The following ZFYVE9 variants were observed in gnomAD, a reference collection of about 807,000 sequenced individuals.
ZFYVE9 encodes zinc finger FYVE domain-containing protein 9.
ZFYVE9 carries 43 observed loss-of-function variants against 126.7 expected under a neutral mutation model. The ratio of observed to expected loss-of-function variants is 0.34; its 90% CI spans 0.27 to 0.44. The LOEUF (loss-of-function observed/expected upper bound fraction) is 0.44. Among genes scored for constraint, ZFYVE9 ranks in the 20% least tolerant of loss-of-function variants. ZFYVE9 has a pLI of 1.00. For synonymous variants in ZFYVE9, 521 were observed against 597.4 expected (o/e 0.87, Z 1.87); for missense variants, 1,476 against 1,697.0 (o/e 0.87, Z 2.29).
intron 1 of ZFYVE9, among the ~76,000 whole-genome samples, chr1:52,197,242 G>A (rs940425139): frequency 3.3e-5 from 5 of 152,130 alleles, no homozygotes; most frequent in Non-Finnish European, 7.4e-5. Flanking sequence ...AGCATTATGG[G>A]GAGAGGGAGT....
chr1:52,214,736 T>C (rs1049150968), intron 1 of ZFYVE9, among the ~76,000 whole-genome samples: 1 of 152,090 alleles, frequency 6.6e-6, no homozygotes, highest in African/African-American at 2.4e-5. Flanking sequence ...GCTGAGAAGT[T>C]TCCCAATCTG....
intron 13 of ZFYVE9, among the ~76,000 whole-genome samples, chr1:52,331,645 G>T (rs1324330469): frequency 6.6e-6 from 1 of 150,830 alleles, no homozygotes; most frequent in Non-Finnish European, 1.5e-5. Flanking sequence ...CCAGCTACTC[G>T]GGAGGCTGAG....
At chr1:52,280,315 G>T (rs1314720784) in intron 9 of ZFYVE9, among the ~76,000 whole-genome samples, 1 of 151,444 alleles carries the variant, frequency 6.6e-6, no homozygotes. Flanking sequence ...AGGAGACGGA[G>T]GTTGCAGTGA....
intron 7 of ZFYVE9, among the ~76,000 whole-genome samples, chr1:52,271,252 G>A (rs1006273286): frequency 6.6e-6 from 1 of 152,132 alleles, no homozygotes; most frequent in Admixed American, 6.6e-5. Context: ...GACAGGCTAA[G>A]CCACATTATT....
chr1:52,202,265 G>A (rs866930044), intron 1 of ZFYVE9, among the ~76,000 whole-genome samples: 1 of 151,652 alleles, frequency 6.6e-6, no homozygotes, highest in South Asian at 2.1e-4. Context: ...TCCTCCGTAG[G>A]TATAGTGTTT....
rs372430345 is a variant in ZFYVE9 at position 52,344,765 on chromosome 1, C to T, written c.3940-3C>T. 1.2e-5 allele frequency: 20 copies of T among 1,612,986 alleles called. No homozygotes were observed. Among genetic ancestry groups the T allele is most frequent in the Non-Finnish European group, 1.6e-5 (19 of 1,179,138 alleles). Reference sequence around the variant, plus strand: ...TTAAAAGTCTCTTTTGTTTGGGGAACAGGTGTTTTTCCTAGAAAACGATGA... The same window carrying T: ...TTAAAAGTCTCTTTTGTTTGGGGAATAGGTGTTTTTCCTAGAAAACGATGA... On this transcript the variant is annotated splice_region_variant and splice_polypyrimidine_tract_variant and intron_variant, in intron 17 of 18. Transcript: ENST00000287727.
At chr1:52,209,034 A>G (rs1645004121) in intron 1 of ZFYVE9, among the ~76,000 whole-genome samples, 1 of 152,230 alleles carries the variant, frequency 6.6e-6, no homozygotes. Flanking sequence ...CCATGGTATC[A>G]TACACTAGGG....
intron 13 of ZFYVE9, among the ~76,000 whole-genome samples, chr1:52,309,742 GA>G (rs1361859629): frequency 6.6e-6 from 1 of 152,002 alleles, no homozygotes; most frequent in East Asian, 1.9e-4. Flanking sequence ...TTCTTAAGCA[GA>G]AAAAGTGACT....
At chr1:52,228,966 T>C (rs1645193775) in intron 2 of ZFYVE9, among the ~76,000 whole-genome samples, 1 of 152,088 alleles carries the variant, frequency 6.6e-6, no homozygotes, top group African/African-American at 2.4e-5. Flanking sequence ...CATAGCTCAC[T>C]GTAACCTCGA....
intron 12 of ZFYVE9, 79 bp downstream of exon 12, chr1:52,296,056 T>G: frequency 7.5e-7 from 1 of 1,332,704 alleles, no homozygotes; most frequent in South Asian, 1.2e-5. Context: ...ATTATTTTCT[T>G]GGTAGCTGTG....
chr1:52,163,292 G>A (rs1347888934), intron 1 of ZFYVE9, among the ~76,000 whole-genome samples: 1 of 152,060 alleles, frequency 6.6e-6, no homozygotes, highest in African/African-American at 2.4e-5. Flanking sequence ...CATTAACTAT[G>A]CCCTTGAAGT....
At chr1:52,247,559 C>T (rs1374541149) in intron 4 of ZFYVE9, among the ~76,000 whole-genome samples, 1 of 151,984 alleles carries the variant, frequency 6.6e-6, no homozygotes, top group African/African-American at 2.4e-5. Flanking sequence ...TGCAGTGGCG[C>T]AATCTCGGCT....
At chr1:52,175,017 A>G (rs1165980275) in intron 1 of ZFYVE9, among the ~76,000 whole-genome samples, 2 of 152,092 alleles carry the variant, frequency 1.3e-5, no homozygotes, top group Non-Finnish European at 2.9e-5. Context: ...GAAAGTTAAT[A>G]TTGTTATGTG....
At chr1:52,171,700 T>A (rs1444456605) in intron 1 of ZFYVE9, among the ~76,000 whole-genome samples, 1 of 152,140 alleles carries the variant, frequency 6.6e-6, no homozygotes, top group Non-Finnish European at 1.5e-5. Context: ...TTCTAACTGG[T>A]ATGAGATGGT....
intron 12 of ZFYVE9, among the ~76,000 whole-genome samples, chr1:52,300,239 C>T (rs1646020502): frequency 6.6e-6 from 1 of 152,104 alleles, no homozygotes; most frequent in South Asian, 2.1e-4. Context: ...GAGCAAGAGC[C>T]AGACAACTCC....
At chr1:52,156,040 A>G (rs1644400137) in intron 1 of ZFYVE9, among the ~76,000 whole-genome samples, 1 of 152,200 alleles carries the variant, frequency 6.6e-6, no homozygotes, top group African/African-American at 2.4e-5. Context: ...AACATGTATC[A>G]CTGACGTGAT....
chr1:52,192,318 G>T (rs1644823242), intron 1 of ZFYVE9, among the ~76,000 whole-genome samples: 1 of 152,328 alleles, frequency 6.6e-6, no homozygotes, highest in East Asian at 1.9e-4. Context: ...CATAAGAAGT[G>T]TGTAACCTAG....
At chr1:52,259,541 A>C (rs1045189394) in intron 4 of ZFYVE9, among the ~76,000 whole-genome samples, 1 of 151,642 alleles carries the variant, frequency 6.6e-6, no homozygotes, top group Admixed American at 6.6e-5. Flanking sequence ...TAATCCCAGC[A>C]CTTTGGGAGG....
chr1:52,235,526 C>G (rs1350829077), intron 3 of ZFYVE9, among the ~76,000 whole-genome samples: 1 of 151,970 alleles, frequency 6.6e-6, no homozygotes. Context: ...AATTTCAAAT[C>G]TCTACTGGTT....
Sources: gnomAD v4.1 joint callset for allele counts (sites outside exome capture counted in the v4.1 genomes callset) on GRCh38, gnomAD v4.1.1 for gene constraint, MANE v1.5 for transcripts, NCBI Gene and HGNC (gene_info 2026-07-23, HGNC 2026-07-21) for gene names.